NLRP2: variants seen among roughly 807,000 people sequenced by gnomAD.
The protein encoded by NLRP2 is NACHT, LRR and PYD domains-containing protein 2.
Under a neutral mutation model 97.2 loss-of-function variants are expected in NLRP2, and 107 were observed. That is an observed-to-expected ratio of 1.10 (90% CI 0.94 to 1.29). The LOEUF (loss-of-function observed/expected upper bound fraction) is 1.29, where lower values mean the gene tolerates loss of function less well. NLRP2 is among the 50% of genes most tolerant of loss of function. The pLI is 0.00. For missense variants in NLRP2, 1,495 were observed against 1,330.3 expected (o/e 1.12, Z -1.93); for synonymous variants, 663 against 551.5 (o/e 1.20, Z -2.83).
intron 1 of NLRP2, among the ~76,000 whole-genome samples, chr19:54,967,571 CAT>C (rs1259689806): frequency 1.3e-5 from 2 of 151,736 alleles, no homozygotes; most frequent in Admixed American, 1.3e-4. Flanking sequence ...AAGGTTGGCT[CAT>C]AAGAGGATAG....
At chr19:54,983,850 CTTT>C in intron 6 of NLRP2, 122 bp downstream of exon 6, 2 of 1,378,922 alleles carry the variant, frequency 1.5e-6, no homozygotes, top group South Asian at 2.3e-5. Context: ...TTGTTGGACT[CTTT>C]GTTTGTTTTT....
intron 10 of NLRP2, chr19:54,991,121 A>G (rs1378675951): frequency 6.5e-6 from 1 of 154,188 alleles, no homozygotes; most frequent in African/African-American, 2.7e-5. Flanking sequence ...TTGGTTGTAA[A>G]TGGAATTCAT....
At chr19:54,967,016 ATAT>A (rs992332447) in intron 1 of NLRP2, among the ~76,000 whole-genome samples, 15 of 151,304 alleles carry the variant, frequency 9.9e-5, no homozygotes, top group South Asian at 4.2e-4. Flanking sequence ...CTGGCTAATA[ATAT>A]TATTATTACC....
intron 6 of NLRP2, among the ~76,000 whole-genome samples, chr19:54,984,329 G>GTGTGTTTTTTTT: frequency 8.8e-5 from 7 of 79,670 alleles, no homozygotes; most frequent in East Asian, 6.4e-4. Flanking sequence ...TTTTTTTTGT[G>GTGTGTTTTTTTT]TTTTTTTTTT....
rs766359239 is a variant in NLRP2 at position 54,990,563 on chromosome 19, A to G, written c.2599A>G (p.Ser867Gly). Reference protein sequence around the residue: ...CKDLAAVLVVSRELTHLCLAK... With the variant: ...CKDLAAVLVVGRELTHLCLAK... ...GGACCTTGCTGCTGTGTTGGTTGTC[A>G]GCCGGGAGCTGACACACCTGTGCTT... The change falls in exon 10 of 13, where the codon AGC (serine) becomes GGC (glycine). Residue 867 changes from serine (S) to glycine (G), a missense_variant. Transcript: ENST00000448584. 1.9e-6 allele frequency: 3 copies of G among 1,614,198 alleles called. No homozygotes were observed. Among genetic ancestry groups the G allele is most frequent in the Non-Finnish European group, 2.5e-6 (3 of 1,180,034 alleles).
intron 8 of NLRP2, 45 bp downstream of exon 8, chr19:54,986,360 C>G: frequency 6.4e-7 from 1 of 1,562,624 alleles, no homozygotes; most frequent in Non-Finnish European, 8.8e-7. Flanking sequence ...CAAACATAAG[C>G]TACCACAAGC....
chr19:54,987,128 A>ACCCCCCCCCCCCCCCCC (rs763390795), intron 8 of NLRP2, among the ~76,000 whole-genome samples: 12 of 138,656 alleles, frequency 8.7e-5, no homozygotes, highest in Non-Finnish European at 9.4e-5. Context: ...CAGGTGATCT[A>ACCCCCCCCCCCCCCCCC]CCCCCCCACC....
intron 4 of NLRP2, 109 bp from the exon 5 acceptor site, chr19:54,981,508 T>TTCCCCCCCCCCCCCC: frequency 4.6e-6 from 2 of 438,150 alleles, no homozygotes; most frequent in Non-Finnish European, 4.6e-6. Context: ...TCTGATCCCG[T>TTCCCCCCCCCCCCCC]GCCCCCCCTC....
intron 11 of NLRP2, among the ~76,000 whole-genome samples, chr19:54,996,066 A>C (rs1021839023): frequency 4.0e-5 from 5 of 124,190 alleles, no homozygotes; most frequent in Middle Eastern, 5.3e-3. Context: ...AAAAAAACAA[A>C]GGCGCCTTTT....
chr19:54,976,063 T>A (rs941671072), intron 3 of NLRP2, among the ~76,000 whole-genome samples: 19 of 152,090 alleles, frequency 1.2e-4, no homozygotes, highest in African/African-American at 4.6e-4. Flanking sequence ...AGACTTTTTT[T>A]TTTTGGACAA....
intron 4 of NLRP2, among the ~76,000 whole-genome samples, 160 bp from the exon 5 acceptor site, chr19:54,981,457 C>T (rs1182843515): frequency 1.3e-5 from 2 of 151,904 alleles, no homozygotes; most frequent in African/African-American, 4.8e-5. Flanking sequence ...CATGAGCCAC[C>T]ACACCTGGCC....
At chr19:54,978,722 C>T (rs964154455) in intron 4 of NLRP2, among the ~76,000 whole-genome samples, 2 of 151,512 alleles carry the variant, frequency 1.3e-5, no homozygotes, top group African/African-American at 4.8e-5. Context: ...TGGCACCCGC[C>T]TGTAGTCCCA....
intron 2 of NLRP2, among the ~76,000 whole-genome samples, chr19:54,971,472 C>G (rs1172697543): frequency 1.3e-5 from 2 of 152,054 alleles, no homozygotes; most frequent in Non-Finnish European, 2.9e-5. Flanking sequence ...TCCACATCCT[C>G]TCCAGCACCT....
At chr19:54,977,864 G>GC in intron 4 of NLRP2, 41 bp downstream of exon 4, 6 of 1,577,036 alleles carry the variant, frequency 3.8e-6, no homozygotes, top group African/African-American at 1.3e-5. Flanking sequence ...AGCTGAGGAA[G>GC]CCCCCCGTTC....
At chr19:54,973,586 C>A (rs554058998) in intron 2 of NLRP2, among the ~76,000 whole-genome samples, 1 of 152,092 alleles carries the variant, frequency 6.6e-6, no homozygotes, top group African/African-American at 2.4e-5. Flanking sequence ...GTTGACCAGA[C>A]TGGTCTCGAA....
At chr19:54,997,199 C>A in intron 11 of NLRP2, 118 bp from the exon 12 acceptor site, 1 of 1,067,034 alleles carries the variant, frequency 9.4e-7, no homozygotes, top group Non-Finnish European at 1.5e-6. Flanking sequence ...ACCACCGTGC[C>A]CGGCCTGAGA....
chr19:54,973,116 G>A (rs2070971615), intron 2 of NLRP2, among the ~76,000 whole-genome samples: 1 of 151,622 alleles, frequency 6.6e-6, no homozygotes, highest in South Asian at 2.1e-4. Context: ...GCTTGAACCA[G>A]AGAGTCAGAG....
chr19:54,982,385 C>T lies in NLRP2; in HGVS notation c.687C>T (p.Asp229=), dbSNP rs1377418888. 13 of 1,614,136 alleles carry T rather than the reference C, an allele frequency of 8.1e-6. No homozygotes were observed. Among genetic ancestry groups the T allele is most frequent in the South Asian group, 2.2e-5 (2 of 91,076 alleles). The change falls in exon 6 of 13, where the codon GAC becomes GAT. Residue 229 remains aspartate (D), a synonymous_variant. Coordinates refer to ENST00000448584, the MANE Select transcript of NLRP2 (RefSeq NM_017852.5). ...KTTLAQKLML[D]WAEDNLIHKF... is the part of the protein sequence containing the mutation. The stretch of plus-strand genomic sequence containing the variant: ...CGCTGGCCCAGAAACTAATGCTAGA[C>T]TGGGCAGAGGACAACCTCATCCACA...
At chr19:54,984,029 T>G (rs948539568) in intron 6 of NLRP2, among the ~76,000 whole-genome samples, 15 of 152,144 alleles carry the variant, frequency 9.9e-5, no homozygotes, top group Non-Finnish European at 1.8e-4. Context: ...TTTTATATTT[T>G]CATTAGAGAC....
Sources: allele counts gnomAD v4.1 joint callset (sites outside exome capture counted in the v4.1 genomes callset), GRCh38; gene constraint gnomAD v4.1.1; transcripts MANE v1.5; gene names NCBI Gene and HGNC (gene_info 2026-07-23, HGNC 2026-07-21).